The following OBI1 variants were observed in gnomAD, a reference collection of about 807,000 sequenced individuals.
The protein encoded by OBI1 is ring finger protein 219.
Under a neutral mutation model 62.4 loss-of-function variants are expected in OBI1, and 59 were observed. That is an observed-to-expected ratio of 0.95 (90% confidence interval 0.77 to 1.17). The LOEUF (loss-of-function observed/expected upper bound fraction) is 1.17, where lower values mean the gene tolerates loss of function less well. Ranked by LOEUF, OBI1 falls within the 50% of genes most tolerant of loss-of-function variation. The pLI is 0.00. For missense variants in OBI1, 875 were observed against 830.9 expected, an observed-to-expected ratio of 1.05 and a Z score of -0.65; for synonymous variants, 302 against 292.8, an observed-to-expected ratio of 1.03 and a Z score of -0.32.
chr13:78,643,009 G>C (rs57353893), intron 2 of OBI1, among the ~76,000 whole-genome samples: 1 of 152,264 alleles, frequency 6.6e-6, no homozygotes, highest in African/African-American at 2.4e-5. Flanking sequence ...GTCATGACTT[G>C]TTACAAATGC....
In OBI1 at chr13:78,615,575, A is replaced by G; in HGVS notation, c.*5T>C. The G allele has an allele frequency of 6.3e-7, 1 of 1,579,262 alleles. No homozygotes were observed. Among genetic ancestry groups the G allele is most frequent in the Non-Finnish European group, 8.6e-7 (1 of 1,165,126 alleles). On this transcript the variant is annotated 3_prime_UTR_variant, in exon 6 of 6. Coordinates refer to ENST00000282003, the MANE Select transcript of OBI1 (RefSeq NM_024546.4). The stretch of plus-strand genomic sequence containing the variant: ...CAAAACCACAAATGACACCTTTCTA[A>G]TGAGTCAACTTTTAGTTGCTTTTGA...
chr13:78,620,437 A>G (rs1260941956), intron 5 of OBI1, among the ~76,000 whole-genome samples: 1 of 152,198 alleles, frequency 6.6e-6, no homozygotes. Flanking sequence ...TCCATTAGAG[A>G]CCAAAAGGCT....
intron 5 of OBI1, among the ~76,000 whole-genome samples, chr13:78,622,432 T>G (rs1239968010): frequency 6.6e-6 from 1 of 152,132 alleles, no homozygotes; most frequent in African/African-American, 2.4e-5. Flanking sequence ...CCAAATAAAT[T>G]TATGTGTCTC....
chr13:78,623,192 G>A (rs1394898915), intron 5 of OBI1, among the ~76,000 whole-genome samples: 1 of 150,164 alleles, frequency 6.7e-6, no homozygotes, highest in South Asian at 2.1e-4. Context: ...AATCATAAAA[G>A]TACTATCTAT....
chr13:78,645,775 C>T (rs913007295), intron 1 of OBI1, among the ~76,000 whole-genome samples: 1 of 152,130 alleles, frequency 6.6e-6, no homozygotes, highest in Non-Finnish European at 1.5e-5. Flanking sequence ...CTCAGCCTCC[C>T]GAGTAGCTGG....
Position 78,614,455 on chromosome 13 carries a change from T to A in OBI1, c.*1125A>T, listed in dbSNP as rs1875173387. 1 of 152,632 alleles carries A rather than the reference T, an allele frequency of 6.6e-6. No individual in the cohort carries two copies. Among genetic ancestry groups the A allele is most frequent in the African/African-American group, 2.4e-5 (1 of 41,458 alleles). The allele number at this position is 152,632 out of a possible 1,614,324, so 9.5% of individuals were successfully genotyped here. ...CAAATACGTTTAGAACAATACACTTTTTCAGAGCCTAAATTAAAAATTGTG... is the reference window on the plus strand; with the variant it reads ...CAAATACGTTTAGAACAATACACTTATTCAGAGCCTAAATTAAAAATTGTG... On this transcript the variant is annotated 3_prime_UTR_variant, in exon 6 of 6. Coordinates refer to ENST00000282003, the MANE Select transcript of OBI1 (RefSeq NM_024546.4).
chr13:78,658,941 A>T, intron 1 of OBI1, 108 bp downstream of exon 1: 2 of 916,176 alleles, frequency 2.2e-6, no homozygotes, highest in Non-Finnish European at 3.4e-6. Flanking sequence ...GTTTTCTCCC[A>T]TCTCCGCGCC....
At chr13:78,656,321 C>T (rs1876698613) in intron 1 of OBI1, among the ~76,000 whole-genome samples, 1 of 152,046 alleles carries the variant, frequency 6.6e-6, no homozygotes, top group Non-Finnish European at 1.5e-5. Context: ...TGGTGGCTCA[C>T]GCTTGTAATC....
chr13:78,628,969 C>T (rs1369338811), intron 5 of OBI1, among the ~76,000 whole-genome samples: 1 of 151,918 alleles, frequency 6.6e-6, no homozygotes, highest in Non-Finnish European at 1.5e-5. Flanking sequence ...ATTATTAAAG[C>T]CCTAAGCTAA....
chr13:78,643,479 CCTTT>C (rs761515807), intron 2 of OBI1, among the ~76,000 whole-genome samples: 7 of 152,132 alleles, frequency 4.6e-5, no homozygotes, highest in African/African-American at 7.2e-5. Flanking sequence ...CATATATATT[CCTTT>C]CTATTTCCTT....
chr13:78,649,526 TGAGAG>T (rs1566286644), intron 1 of OBI1, among the ~76,000 whole-genome samples: 3 of 152,146 alleles, frequency 2.0e-5, no homozygotes, highest in Non-Finnish European at 4.4e-5. Context: ...GACTGGAGGT[TGAGAG>T]ACAATGAAAG....
intron 4 of OBI1, among the ~76,000 whole-genome samples, chr13:78,636,300 T>C (rs764704370): frequency 6.6e-6 from 1 of 152,118 alleles, no homozygotes; most frequent in Non-Finnish European, 1.5e-5. Context: ...TGCTTTTATG[T>C]ATTACAAAGA....
chr13:78,643,814 C>A (rs1340668170), intron 2 of OBI1, among the ~76,000 whole-genome samples: 2 of 152,006 alleles, frequency 1.3e-5, no homozygotes, highest in African/African-American at 4.8e-5. Flanking sequence ...TATTTAAGTC[C>A]ATTTTCCCTA....
intron 1 of OBI1, among the ~76,000 whole-genome samples, chr13:78,657,635 G>C (rs539993105): frequency 7.2e-5 from 11 of 152,314 alleles, no homozygotes; most frequent in African/African-American, 2.6e-4. Flanking sequence ...AAATCAAACA[G>C]AACACTGTCA....
At chr13:78,653,278 A>AC (rs1876597592) in intron 1 of OBI1, among the ~76,000 whole-genome samples, 2 of 152,152 alleles carry the variant, frequency 1.3e-5, no homozygotes, top group African/African-American at 4.8e-5. Context: ...CCTGGGCTCT[A>AC]CCCACTAGAT....
intron 2 of OBI1, among the ~76,000 whole-genome samples, chr13:78,643,048 T>C (rs180785941): frequency 6.6e-6 from 1 of 152,248 alleles, no homozygotes; most frequent in African/African-American, 2.4e-5. Context: ...CTGAGAGCTC[T>C]TCACTGATGC....
chr13:78,653,451 A>G (rs1388417269), intron 1 of OBI1, among the ~76,000 whole-genome samples: 2 of 152,248 alleles, frequency 1.3e-5, no homozygotes, highest in African/African-American at 4.8e-5. Context: ...ATCCATTTTC[A>G]GTTGTGGAAA....
At chr13:78,619,985 T>C (rs1204649894) in intron 5 of OBI1, among the ~76,000 whole-genome samples, 2 of 152,190 alleles carry the variant, frequency 1.3e-5, no homozygotes, top group Non-Finnish European at 2.9e-5. Context: ...TTTACTTTAT[T>C]TCACTGACAC....
At chr13:78,618,018 G>A (rs1875373851) in intron 5 of OBI1, among the ~76,000 whole-genome samples, 1 of 151,932 alleles carries the variant, frequency 6.6e-6, no homozygotes, top group Non-Finnish European at 1.5e-5. Context: ...GTATAGGTTA[G>A]GTGGTATATT....
Sources: gnomAD v4.1 joint callset for allele counts (sites outside exome capture counted in the v4.1 genomes callset) on GRCh38, gnomAD v4.1.1 for gene constraint, MANE v1.5 for transcripts, NCBI Gene and HGNC (gene_info 2026-07-23, HGNC 2026-07-21) for gene names.